The following ZNF618 variants were observed in gnomAD, a reference collection of about 807,000 sequenced individuals.
ZNF618 encodes the protein neural precursor cell expressed, developmentally down-regulated 10.
In ZNF618, 34 loss-of-function variants were observed where a neutral mutation model predicts 103.0. The observed-to-expected ratio is 0.33, with a 90% CI of 0.25 to 0.44. The LOEUF (loss-of-function observed/expected upper bound fraction) is 0.44. Ranked by LOEUF, ZNF618 falls within the 20% of genes least tolerant of loss-of-function variation. The pLI is 1.00. For synonymous variants in ZNF618, 551 were observed against 542.2 expected (o/e 1.02, Z -0.23); for missense variants, 1,059 against 1,295.4 (o/e 0.82, Z 2.80).
chr9:113,924,677 C>G (rs934960561), intron 1 of ZNF618, among the ~76,000 whole-genome samples: 2 of 151,826 alleles, frequency 1.3e-5, no homozygotes, highest in South Asian at 2.1e-4. Context: ...AAAATTTCCT[C>G]TAATCACTGC....
At chr9:114,008,412 T>C (rs759503631) in intron 8 of ZNF618, 33 bp downstream of exon 8, 8 of 1,614,004 alleles carry the variant, frequency 5.0e-6, no homozygotes, top group South Asian at 4.4e-5. Flanking sequence ...TCACCTCCCC[T>C]GTCCCCGGCT....
chr9:113,921,070 T>G, intron 1 of ZNF618, among the ~76,000 whole-genome samples: 1 of 152,242 alleles, frequency 6.6e-6, no homozygotes, highest in African/African-American at 2.4e-5. Context: ...TCTTAGAACC[T>G]GACACAGATC....
chr9:113,982,184 G>T (rs1204475285), intron 2 of ZNF618, among the ~76,000 whole-genome samples: 2 of 152,176 alleles, frequency 1.3e-5, no homozygotes, highest in Admixed American at 6.5e-5. Flanking sequence ...CAAATTTCAT[G>T]TTACACCATG....
intron 1 of ZNF618, among the ~76,000 whole-genome samples, chr9:113,947,080 G>C (rs10982014): frequency 0.19 from 29,215 of 152,032 alleles, 2,901 homozygotes; most frequent in Non-Finnish European, 0.21. Flanking sequence ...CACCACCATT[G>C]ACAGAAGTCA....
intron 1 of ZNF618, among the ~76,000 whole-genome samples, chr9:113,956,542 G>C (rs569205193): frequency 6.6e-6 from 1 of 152,144 alleles, no homozygotes; most frequent in Non-Finnish European, 1.5e-5. Flanking sequence ...TCATCTTGAC[G>C]TAACACATCC....
intron 1 of ZNF618, among the ~76,000 whole-genome samples, chr9:113,918,884 T>A (rs530305712): frequency 2.6e-5 from 4 of 152,336 alleles, no homozygotes; most frequent in African/African-American, 9.6e-5. Context: ...TTAGTGCCCA[T>A]GGTGTCTGGC....
rs373748796 is a variant in ZNF618 at position 114,013,633 on chromosome 9, G to A, written c.755-3062G>A. On this transcript the variant is annotated intron_variant, in intron 9 of 14. Coordinates refer to ENST00000374126, the MANE Select transcript of ZNF618 (RefSeq NM_001318042.2). ...TTTTTAGTAGAGACGGGGTTTCACC[G>A]TGTTAGCCAGGATGGTCTTGATCTC... 3.2e-4 allele frequency among the ~76,000 whole-genome samples: 48 copies of A among 152,208 alleles called. 1 individual carries two copies. In the East Asian group the frequency reaches 7.7e-3, roughly 25 times the overall value.
intron 12 of ZNF618, among the ~76,000 whole-genome samples, chr9:114,035,000 TC>T (rs1169462616): frequency 6.6e-6 from 1 of 152,094 alleles, no homozygotes; most frequent in African/African-American, 2.4e-5. Context: ...TAAACCTTGA[TC>T]CTCTGAAAGG....
intron 9 of ZNF618, among the ~76,000 whole-genome samples, chr9:114,014,551 G>GCA: frequency 6.6e-6 from 1 of 152,318 alleles, no homozygotes; most frequent in South Asian, 2.1e-4. Flanking sequence ...CCAGCACTTA[G>GCA]CACAGTACCT....
rs60649574 is a variant in ZNF618 at position 113,951,587 on chromosome 9, G to GTGTGTA, written c.34-17525_34-17524insATGTGT. On this transcript the variant is annotated intron_variant, in intron 1 of 14. Transcript: ENST00000374126. Reference sequence around the variant, plus strand: ...TATGTGTGTGTGTATATGTGTGTGTGTGTGTGTGTGTATATATATGTATAT... The same window carrying GTGTGTA: ...TATGTGTGTGTGTATATGTGTGTGTGTGTGTATGTGTGTGTGTATATATATGTATAT... 2.9e-3 allele frequency among the ~76,000 whole-genome samples: 200 copies of GTGTGTA among 68,536 alleles called. 6 individuals are homozygous for GTGTGTA. Among genetic ancestry groups the GTGTGTA allele is most frequent in the African/African-American group, 8.8e-3 (190 of 21,700 alleles). 45.0% of individuals were successfully genotyped at this position (68,536 alleles called of 152,430 possible).
At chr9:114,024,213 A>G (rs1588380059) in intron 10 of ZNF618, among the ~76,000 whole-genome samples, 1 of 152,266 alleles carries the variant, frequency 6.6e-6, no homozygotes, top group East Asian at 1.9e-4. Context: ...AATCTGCTTT[A>G]TTAGAAAAAT....
intron 3 of ZNF618, among the ~76,000 whole-genome samples, chr9:113,990,717 T>C (rs4497041): frequency 0.59 from 89,830 of 151,952 alleles, 27,045 homozygotes; most frequent in Middle Eastern, 0.74. Context: ...AGTCATTGGT[T>C]GGAACTAGTC....
chr9:113,982,724 C>T (rs749041131), intron 2 of ZNF618, among the ~76,000 whole-genome samples: 1 of 152,120 alleles, frequency 6.6e-6, no homozygotes, highest in African/African-American at 2.4e-5. Context: ...GTCTTAGAGC[C>T]TTGCTCAACA....
At chr9:114,039,602 C>T (rs1268286538) in intron 13 of ZNF618, among the ~76,000 whole-genome samples, 1 of 152,194 alleles carries the variant, frequency 6.6e-6, no homozygotes, top group African/African-American at 2.4e-5. Context: ...CCGCCCACCT[C>T]AGCCCCGCAA....
chr9:114,013,787 G>A (rs1842445120), intron 9 of ZNF618, among the ~76,000 whole-genome samples: 1 of 152,170 alleles, frequency 6.6e-6, no homozygotes, highest in Non-Finnish European at 1.5e-5. Flanking sequence ...AGTAAAGTAG[G>A]TTAAGCCTTC....
chr9:114,032,819 G>A lies in ZNF618; in HGVS notation c.1168+91G>A. The A allele has an allele frequency of 6.3e-6, 7 of 1,118,926 alleles. No homozygotes were observed. The South Asian group carries it at 8.8e-5, about 14-fold the overall frequency. 69.3% of individuals were successfully genotyped at this position (1,118,926 alleles called of 1,614,324 possible). ...GCCGCGGCAGCATCCTGTGGGCTGGGGTCTTTGTGGTGCATTATGGATCTT... is the reference window on the plus strand; with the variant it reads ...GCCGCGGCAGCATCCTGTGGGCTGGAGTCTTTGTGGTGCATTATGGATCTT... On this transcript the variant is annotated intron_variant, in intron 12 of 14. Transcript: ENST00000374126.
At chr9:114,013,791 A>T (rs1214779236) in intron 9 of ZNF618, among the ~76,000 whole-genome samples, 1 of 152,208 alleles carries the variant, frequency 6.6e-6, no homozygotes, top group African/African-American at 2.4e-5. Context: ...AAGTAGGTTA[A>T]GCCTTCCTAT....
chr9:113,997,161 G>T (rs1237139641), intron 3 of ZNF618, among the ~76,000 whole-genome samples: 1 of 150,550 alleles, frequency 6.6e-6, no homozygotes, highest in Admixed American at 6.6e-5. Flanking sequence ...AGGCTGGAGT[G>T]CAGTGGCATA....
chr9:114,047,342 T>TA lies in ZNF618; in HGVS notation c.1247-550dup, dbSNP rs202122420. Among the ~76,000 whole-genome samples, 1,205 of 152,346 alleles carry TA rather than the reference T, an allele frequency of 7.9e-3. 8 individuals carry two copies. Among genetic ancestry groups the TA allele is most frequent in the African/African-American group, 0.025 (1,037 of 41,564 alleles). Reference sequence around the variant, plus strand: ...TATCCGAGCTTCAGTTTCCATGTCTTACAGTGAGGGGTTTGATAATTTGGT... The same window carrying TA: ...TATCCGAGCTTCAGTTTCCATGTCTTAACAGTGAGGGGTTTGATAATTTGGT... On this transcript the variant is annotated intron_variant, in intron 13 of 14. Transcript: ENST00000374126.
Sources: gnomAD v4.1 joint callset for allele counts (sites outside exome capture counted in the v4.1 genomes callset) on GRCh38, gnomAD v4.1.1 for gene constraint, MANE v1.5 for transcripts, NCBI Gene and HGNC (gene_info 2026-07-23, HGNC 2026-07-21) for gene names.